CCDC102B: variants seen among roughly 807,000 people sequenced by gnomAD.
CCDC102B encodes the protein coiled-coil domain containing 102B.
A neutral mutation model predicts 57.4 loss-of-function variants in CCDC102B; 75 were observed. That is an observed-to-expected ratio of 1.31 (90% confidence interval 1.08 to 1.58). The LOEUF (loss-of-function observed/expected upper bound fraction) is 1.58, where lower values mean the gene tolerates loss of function less well. Ranked by LOEUF, CCDC102B falls within the 40% of genes most tolerant of loss-of-function variation. The pLI, the probability that CCDC102B is intolerant of heterozygous loss-of-function variation, is 0.00. For synonymous variants in CCDC102B, 206 were observed against 201.9 expected (o/e 1.02, Z -0.17); for missense variants, 636 against 582.6 (o/e 1.09, Z -0.94).
At position 68,813,183 on chromosome 18, in the gene CCDC102B, C is replaced by A. The variant is rs1384978351; in HGVS notation, c.-16+15002C>A. Among the ~76,000 whole-genome samples, 3 of 147,278 alleles carry A rather than the reference C, an allele frequency of 2.0e-5. No individual in the cohort carries two copies. In the East Asian group the frequency reaches 5.9e-4, roughly 29 times the overall value. ...GATAAATGTATGGCATTTCCCACTT[C>A]TCTCTCTCTCTCTCTCTCTGTCTCT... On this transcript the variant is annotated intron_variant, in intron 1 of 7. Transcript: ENST00000360242.
intron 1 of CCDC102B, among the ~76,000 whole-genome samples, chr18:68,806,439 A>G (rs1012409823): frequency 6.6e-6 from 1 of 152,158 alleles, no homozygotes; most frequent in Non-Finnish European, 1.5e-5. Context: ...ATGCATTTTT[A>G]TTATCAGTAG....
chr18:68,747,174 A>G (rs1275879090), intron 2 of CCDC102B, among the ~76,000 whole-genome samples: 1 of 152,022 alleles, frequency 6.6e-6, no homozygotes, highest in African/African-American at 2.4e-5. Context: ...ACTAGAACTC[A>G]TTCCTTCTAT....
At position 68,790,000 on chromosome 18, in the gene CCDC102B, G is replaced by A. The variant is rs1226057465; in HGVS notation, c.-66-33366G>A. ...TCTTTGATGATGGTGATGTACAGAT[G>A]GGTTTTTGGTGTGGATGTCCTTTCT... On this transcript the variant is annotated intron_variant, in intron 2 of 3. Coordinates refer to the CCDC102B transcript ENST00000578970. Among the ~76,000 whole-genome samples, 10 of 150,048 alleles carry A rather than the reference G, an allele frequency of 6.7e-5. 1 individual carries two copies. Among genetic ancestry groups the A allele is most frequent in the African/African-American group, 2.5e-4 (10 of 40,132 alleles).
intron 1 of CCDC102B, among the ~76,000 whole-genome samples, chr18:68,810,144 A>G (rs1568262869): frequency 6.6e-6 from 1 of 152,230 alleles, no homozygotes; most frequent in Non-Finnish European, 1.5e-5. Flanking sequence ...TAGAGTGCAT[A>G]TGTACAACAG....
At chr18:69,032,241 A>T (rs1194884173) in intron 7 of CCDC102B, among the ~76,000 whole-genome samples, 1 of 152,202 alleles carries the variant, frequency 6.6e-6, no homozygotes, top group Non-Finnish European at 1.5e-5. Context: ...TAATTGTGCA[A>T]AGATAAAATA....
At chr18:68,866,895 A>G (rs1017959104) in intron 4 of CCDC102B, 6 of 628,444 alleles carry the variant, frequency 9.5e-6, no homozygotes, top group African/African-American at 5.5e-5. Flanking sequence ...CCTCTCATGT[A>G]TCACACCTGG....
intron 6 of CCDC102B, among the ~76,000 whole-genome samples, chr18:68,997,970 T>C (rs1219932581): frequency 1.3e-5 from 2 of 152,156 alleles, no homozygotes; most frequent in Non-Finnish European, 1.5e-5. Flanking sequence ...TTTGAAACTT[T>C]GTGAGCTAGC....
chr18:68,853,672 T>TGAAAAAAAAAAAAA (rs2038240750), intron 4 of CCDC102B, among the ~76,000 whole-genome samples: 1 of 94,680 alleles, frequency 1.1e-5, no homozygotes, highest in African/African-American at 4.7e-5. Context: ...CCCCAAATTG[T>TGAAAAAAAAAAAAA]AAAAAAAAAA....
chr18:69,003,063 A>C (rs138619858), intron 6 of CCDC102B, among the ~76,000 whole-genome samples: 34 of 152,300 alleles, frequency 2.2e-4, no homozygotes, highest in African/African-American at 7.5e-4. Context: ...AAAGATGTGT[A>C]AGGAAGAATA....
At chr18:69,042,566 A>C (rs1009079564) in intron 7 of CCDC102B, among the ~76,000 whole-genome samples, 2 of 152,070 alleles carry the variant, frequency 1.3e-5, no homozygotes, top group Non-Finnish European at 2.9e-5. Context: ...AAATTATATT[A>C]TCTTAATACT....
chr18:68,870,938 ATACTT>A (rs1290564244), intron 4 of CCDC102B, among the ~76,000 whole-genome samples: 1 of 152,180 alleles, frequency 6.6e-6, no homozygotes, highest in Non-Finnish European at 1.5e-5. Flanking sequence ...GAATAAGAAA[ATACTT>A]TACATTACAC....
At position 68,920,506 on chromosome 18, in the gene CCDC102B, C is replaced by T. The variant is rs184413224; in HGVS notation, c.1263+23078C>T. 9.1e-3 allele frequency among the ~76,000 whole-genome samples: 1,386 copies of T among 152,120 alleles called. 20 individuals are homozygous for T. The highest frequency in any genetic ancestry group is 0.031 in the African/African-American group (1,295 of 41,496). On this transcript the variant is annotated intron_variant, in intron 6 of 7. Coordinates refer to ENST00000360242, the MANE Select transcript of CCDC102B (RefSeq NM_024781.3). ...ATACCTGAGACTGGGAAGAAAAAGA[C>T]GTTTAATTGGACTTATAGCTCCATA...
At chr18:68,782,884 A>G (rs1437679488) in intron 2 of CCDC102B, among the ~76,000 whole-genome samples, 1 of 152,228 alleles carries the variant, frequency 6.6e-6, no homozygotes, top group East Asian at 1.9e-4. Context: ...CCAAACAAAA[A>G]CAAAAATTTA....
At chr18:68,880,667 A>G (rs1057139541) in intron 5 of CCDC102B, among the ~76,000 whole-genome samples, 2 of 152,246 alleles carry the variant, frequency 1.3e-5, no homozygotes, top group African/African-American at 4.8e-5. Context: ...GAATTGAGTT[A>G]CTTCTTTAAT....
At chr18:68,952,441 C>G (rs975241182) in intron 6 of CCDC102B, among the ~76,000 whole-genome samples, 1 of 151,860 alleles carries the variant, frequency 6.6e-6, no homozygotes, top group African/African-American at 2.4e-5. Flanking sequence ...AAGAAATTGG[C>G]AAGAATGAGA....
chr18:68,869,808 C>T (rs2039160538), intron 4 of CCDC102B, among the ~76,000 whole-genome samples: 1 of 152,038 alleles, frequency 6.6e-6, no homozygotes, highest in South Asian at 2.1e-4. Flanking sequence ...TGCCTATGTC[C>T]TGAATGGTAT....
intron 4 of CCDC102B, among the ~76,000 whole-genome samples, chr18:68,862,217 T>C (rs1427918356): frequency 2.6e-5 from 4 of 152,196 alleles, no homozygotes; most frequent in African/African-American, 9.7e-5. Flanking sequence ...CCATGTGATA[T>C]CCTTTGTAAC....
chr18:68,930,820 A>G (rs1443122650), intron 6 of CCDC102B, among the ~76,000 whole-genome samples: 2 of 151,976 alleles, frequency 1.3e-5, no homozygotes, highest in Admixed American at 6.6e-5. Context: ...ATATTATAGT[A>G]GAAAAGACTT....
chr18:68,930,211 A>G (rs1443915218), intron 6 of CCDC102B, among the ~76,000 whole-genome samples: 1 of 148,724 alleles, frequency 6.7e-6, no homozygotes, highest in Non-Finnish European at 1.5e-5. Context: ...TGAGTAGTTT[A>G]TACATTATAT....
Sources: gnomAD v4.1 joint callset for allele counts (sites outside exome capture counted in the v4.1 genomes callset) on GRCh38, gnomAD v4.1.1 for gene constraint, MANE v1.5 for transcripts, NCBI Gene and HGNC (gene_info 2026-07-23, HGNC 2026-07-21) for gene names.